The following TTC13 variants were observed in gnomAD, a reference collection of about 807,000 sequenced individuals.
The protein encoded by TTC13 is tetratricopeptide repeat protein 13.
TTC13 carries 62 observed loss-of-function variants against 120.0 expected under a neutral mutation model. The observed-to-expected ratio is 0.52, with a 90% CI of 0.42 to 0.64. The LOEUF (loss-of-function observed/expected upper bound fraction) is 0.64, where lower values mean the gene tolerates loss of function less well. Among genes scored for constraint, TTC13 ranks in the 30% least tolerant of loss-of-function variants. The probability of loss-of-function intolerance (pLI) is 0.00; values close to 1 mark genes in which losing one functional copy is unlikely to be tolerated. For missense variants in TTC13, 824 were observed against 1,050.2 expected, an observed-to-expected ratio of 0.78 and a Z score of 2.98; for synonymous variants, 384 against 393.5, an observed-to-expected ratio of 0.98 and a Z score of 0.28.
At chr1:230,972,910 C>G (rs1308349713) in intron 1 of TTC13, among the ~76,000 whole-genome samples, 1 of 152,198 alleles carries the variant, frequency 6.6e-6, no homozygotes, top group African/African-American at 2.4e-5. Context: ...AAGGGAAACA[C>G]CCTCTGGCAA....
chr1:230,941,875 TG>T (rs1364897402), intron 6 of TTC13, among the ~76,000 whole-genome samples: 1 of 152,116 alleles, frequency 6.6e-6, no homozygotes, highest in East Asian at 1.9e-4. Context: ...ACAATCAATA[TG>T]ATAATAATGA....
intron 1 of TTC13, among the ~76,000 whole-genome samples, chr1:230,971,141 C>G (rs1418588995): frequency 1.3e-5 from 2 of 151,822 alleles, no homozygotes; most frequent in East Asian, 3.9e-4. Flanking sequence ...GTCAGGAGAT[C>G]GAGACCATCC....
Position 230,921,513 on chromosome 1 carries a change from CA to C in TTC13, c.1815-10del. On this transcript the variant is annotated splice_polypyrimidine_tract_variant and intron_variant, in intron 15 of 22. Transcript: ENST00000366661. ...TGTTGATCACCTGACCCCTATAAGG[CA>C]AAAATAATAAAATTAAGAATATTTT... 1 of 1,374,930 alleles carries C rather than the reference CA, an allele frequency of 7.3e-7. No individual in the cohort carries two copies. The highest frequency in any genetic ancestry group is 9.9e-7 in the Non-Finnish European group (1 of 1,007,056). The allele number at this position is 1,374,930 out of a possible 1,614,324, so 85.2% of individuals were successfully genotyped here. A position where few individuals can be genotyped will look rare whatever the true frequency, so the allele number is the denominator to read the frequency against.
chr1:230,963,715 G>C (rs771354572), intron 1 of TTC13, among the ~76,000 whole-genome samples: 4 of 152,022 alleles, frequency 2.6e-5, no homozygotes, highest in Non-Finnish European at 4.4e-5. Context: ...GCAGAGAAAG[G>C]GAAGGGGTAT....
intron 1 of TTC13, among the ~76,000 whole-genome samples, chr1:230,965,613 T>G (rs1290910174): frequency 6.6e-6 from 1 of 152,236 alleles, no homozygotes; most frequent in African/African-American, 2.4e-5. Flanking sequence ...GCAATCCCAC[T>G]GCTGGGTACA....
chr1:230,965,870 C>T (rs141830752), intron 1 of TTC13, among the ~76,000 whole-genome samples: 86 of 152,196 alleles, frequency 5.7e-4, no homozygotes, highest in African/African-American at 2.0e-3. Flanking sequence ...AGAATGGTCT[C>T]GAACACCTGG....
At chr1:230,941,450 C>G (rs1270483915) in intron 6 of TTC13, among the ~76,000 whole-genome samples, 1 of 152,144 alleles carries the variant, frequency 6.6e-6, no homozygotes, top group Non-Finnish European at 1.5e-5. Flanking sequence ...GTTGTGCCAT[C>G]ATGCCCTGCT....
At chr1:230,907,172 T>G (rs966469839) in intron 22 of TTC13, among the ~76,000 whole-genome samples, 153 bp from the exon 23 acceptor site, 1 of 152,238 alleles carries the variant, frequency 6.6e-6, no homozygotes, top group Admixed American at 6.5e-5. Context: ...GTGAACAGAA[T>G]GGCTCCTCTC....
chr1:230,941,080 T>A (rs907252361), intron 6 of TTC13, among the ~76,000 whole-genome samples: 2 of 152,170 alleles, frequency 1.3e-5, no homozygotes, highest in African/African-American at 4.8e-5. Context: ...TCATGAGTCA[T>A]GATCTGCAGA....
At position 230,929,100 on chromosome 1, in the gene TTC13, A is replaced by G; in HGVS notation, c.1301-7T>C. ...TGAAGATATCGAGAATACTCTGCAGAAAGGAAATGAGATCTGACACATCCA... is the reference window on the plus strand; with the variant it reads ...TGAAGATATCGAGAATACTCTGCAGGAAGGAAATGAGATCTGACACATCCA... On this transcript the variant is annotated splice_region_variant and splice_polypyrimidine_tract_variant and intron_variant, in intron 11 of 22. Transcript: ENST00000366661. The G allele has an allele frequency of 6.2e-7, 1 of 1,612,892 alleles. No homozygotes were observed. Among genetic ancestry groups the G allele is most frequent in the Non-Finnish European group, 8.5e-7 (1 of 1,179,278 alleles).
intron 18 of TTC13, among the ~76,000 whole-genome samples, chr1:230,914,028 G>A (rs1037695371): frequency 6.6e-6 from 1 of 152,210 alleles, no homozygotes; most frequent in East Asian, 1.9e-4. Flanking sequence ...TGGAGCTCTA[G>A]CAACATTGGT....
chr1:230,934,788 A>C (rs900596523), intron 8 of TTC13, among the ~76,000 whole-genome samples: 2 of 152,250 alleles, frequency 1.3e-5, no homozygotes, highest in Non-Finnish European at 2.9e-5. Context: ...AAAAGACATG[A>C]CTTTAGATAA....
At position 230,929,052 on chromosome 1, in the gene TTC13, T is replaced by C. The variant is rs1471407956; in HGVS notation, c.1342A>G (p.Thr448Ala). ...YLHAHLDTPL[T>A]EYNIDVDLPG... ...AGATCCACATCAATGTTATATTCCGTAAGGGGGGTATCAAGGTGTGCATGA... is the reference window on the plus strand; with the variant it reads ...AGATCCACATCAATGTTATATTCCGCAAGGGGGGTATCAAGGTGTGCATGA... Residue 448 changes from threonine to alanine, a missense_variant, in exon 12 of 23, where the codon ACG (threonine) becomes GCG (alanine). Around this residue, in one of 4 missense-constraint regions of TTC13, gnomAD observed 430 missense variants for 626.8 expected, o/e 0.69. Coordinates refer to ENST00000366661, the MANE Select transcript of TTC13 (RefSeq NM_024525.5). 1.2e-6 allele frequency: 2 copies of C among 1,614,042 alleles called. No homozygotes were observed.
At chr1:230,933,647 C>T in intron 9 of TTC13, 132 bp downstream of exon 9, 1 of 495,374 alleles carries the variant, frequency 2.0e-6, no homozygotes. Flanking sequence ...CAAGTCTATA[C>T]ATACTTGCAC....
At chr1:230,965,904 A>G (rs910806179) in intron 1 of TTC13, among the ~76,000 whole-genome samples, 1 of 152,022 alleles carries the variant, frequency 6.6e-6, no homozygotes, top group Non-Finnish European at 1.5e-5. Context: ...TCTCGCCTCA[A>G]CCTCCCAAAG....
chr1:230,972,507 A>G (rs1226009069), intron 1 of TTC13, among the ~76,000 whole-genome samples: 2 of 152,254 alleles, frequency 1.3e-5, no homozygotes, highest in Admixed American at 6.5e-5. Flanking sequence ...CCCAAACAAA[A>G]TGACCTCTTT....
chr1:230,961,108 C>T lies in TTC13; in HGVS notation c.366+101G>A, dbSNP rs139014504. ...CTTTATCCTATGCATGTAGACTCAA[C>T]GAGGCCCAACTTCTAGTTGACAGAG... On this transcript the variant is annotated intron_variant, in intron 2 of 22. Transcript: ENST00000366661. 2.5e-3 allele frequency: 2,028 copies of T among 816,290 alleles called. 16 individuals carry two copies. Among genetic ancestry groups the T allele is most frequent in the East Asian group, 3.5e-3 (134 of 38,720 alleles). The allele number at this position is 816,290 out of a possible 1,614,324, so 50.6% of individuals were successfully genotyped here.
intron 8 of TTC13, among the ~76,000 whole-genome samples, chr1:230,935,382 C>T (rs1175282414): frequency 1.3e-5 from 2 of 152,084 alleles, no homozygotes; most frequent in Non-Finnish European, 2.9e-5. Context: ...ATAAGTAAGT[C>T]TCTGAGAATG....
rs943304673 is a variant in TTC13, at chr1:230,978,785, C to A, written c.46G>T (p.Ala16Ser). The A allele has an allele frequency of 3.5e-5, 53 of 1,498,738 alleles. No individual in the cohort carries two copies. Among genetic ancestry groups the A allele is most frequent in the Non-Finnish European group, 4.6e-5 (52 of 1,133,272 alleles). 92.8% of individuals were successfully genotyped at this position (1,498,738 alleles called of 1,614,324 possible). ...CCCCCCFWGG[A>S]VAAAGAARRV... is the part of the protein sequence containing the mutation. ...CGGGCGGCGCCCGCGGCGGCCACAG[C>A]GCCGCCCCAGAAGCAGCAGCAGCAG... Residue 16 changes from alanine (A) to serine (S), a missense_variant, in exon 1 of 23, where the codon GCT becomes TCT. Transcript: ENST00000366661. This position sits in a 1 kb window ranked among gnomAD's most constrained non-coding sequence, Gnocchi z 5.6.
Sources: gnomAD v4.1 joint callset for allele counts (sites outside exome capture counted in the v4.1 genomes callset) on GRCh38, gnomAD v4.1.1 for gene constraint, gnomAD v4.1.1 regional missense constraint, Gnocchi (gnomAD v3.1) non-coding constraint, MANE v1.5 for transcripts, NCBI Gene and HGNC (gene_info 2026-07-23, HGNC 2026-07-21) for gene names.